The following FAF1 variants were observed in gnomAD, a reference collection of about 807,000 sequenced individuals.
FAF1 encodes FAS-associated factor 1.
FAF1 carries 25 observed loss-of-function variants against 92.5 expected under a neutral mutation model. The ratio of observed to expected loss-of-function variants is 0.27; its 90% CI spans 0.20 to 0.38. The LOEUF (loss-of-function observed/expected upper bound fraction) is 0.38. Among genes scored for constraint, FAF1 ranks in the 10% least tolerant of loss-of-function variants. FAF1 has a pLI of 1.00. For synonymous variants in FAF1, 234 were observed against 273.2 expected, an observed-to-expected ratio of 0.86 and a Z score of 1.42; for missense variants, 636 against 793.3, an observed-to-expected ratio of 0.80 and a Z score of 2.38.
intron 18 of FAF1, among the ~76,000 whole-genome samples, chr1:50,453,646 G>C (rs1646319646): frequency 6.6e-6 from 1 of 152,192 alleles, no homozygotes; most frequent in South Asian, 2.1e-4. Flanking sequence ...TTGAAGGCTG[G>C]TCCAGCAGCG....
intron 1 of FAF1, among the ~76,000 whole-genome samples, chr1:50,896,582 C>T (rs183715656): frequency 6.6e-6 from 1 of 152,234 alleles, no homozygotes; most frequent in Admixed American, 6.5e-5. Flanking sequence ...ATATGTGCAA[C>T]AGAATATCAC....
intron 4 of FAF1, among the ~76,000 whole-genome samples, chr1:50,782,864 T>C (rs554192332): frequency 6.6e-5 from 10 of 152,088 alleles, no homozygotes; most frequent in East Asian, 5.8e-4. Context: ...TGCTCACTCA[T>C]TGAGAGCAAC....
intron 6 of FAF1, among the ~76,000 whole-genome samples, chr1:50,712,353 C>A (rs1387837922): frequency 6.6e-6 from 1 of 152,040 alleles, no homozygotes; most frequent in Non-Finnish European, 1.5e-5. Context: ...GTGGGGAAGG[C>A]TGTAAGAAAT....
chr1:50,596,763 C>T (rs753168776), intron 8 of FAF1, among the ~76,000 whole-genome samples: 8 of 152,114 alleles, frequency 5.3e-5, no homozygotes, highest in East Asian at 1.9e-4. Context: ...TACACTGTTT[C>T]GACAGATTAG....
chr1:50,752,158 CG>C (rs1659895322), intron 4 of FAF1, among the ~76,000 whole-genome samples: 1 of 152,004 alleles, frequency 6.6e-6, no homozygotes, highest in African/African-American at 2.4e-5. Flanking sequence ...TTAGTAGAGA[CG>C]GGGGTCTCGT....
chr1:50,772,737 C>A (rs1660818662), intron 4 of FAF1, among the ~76,000 whole-genome samples: 2 of 152,106 alleles, frequency 1.3e-5, no homozygotes, highest in Admixed American at 1.3e-4. Context: ...ATCAAAAAAA[C>A]TACCTATCAG....
In FAF1 at chr1:50,440,387, C is replaced by T. The variant is rs1646155895; in HGVS notation, c.*1053G>A. 1 of 152,212 alleles carries T rather than the reference C, an allele frequency of 6.6e-6. No homozygotes were observed. The highest frequency in any genetic ancestry group is 6.5e-5 in the Admixed American group (1 of 15,282). 9.4% of individuals were successfully genotyped at this position (152,212 alleles called of 1,614,324 possible). On this transcript the variant is annotated 3_prime_UTR_variant, in exon 19 of 19. Transcript: ENST00000396153. Reference sequence around the variant, plus strand: ...GTTTGCTCTCTTCAACATATGAAGTCTGATTTTTCAGCCACAGAATGAGAT... The same window carrying T: ...GTTTGCTCTCTTCAACATATGAAGTTTGATTTTTCAGCCACAGAATGAGAT...
intron 17 of FAF1, among the ~76,000 whole-genome samples, chr1:50,478,395 T>C (rs1646663588): frequency 6.6e-6 from 1 of 152,166 alleles, no homozygotes; most frequent in Non-Finnish European, 1.5e-5. Flanking sequence ...ACTCCTGACC[T>C]CAAGTGATCC....
At chr1:50,565,706 G>A (rs539443990) in intron 13 of FAF1, among the ~76,000 whole-genome samples, 2 of 152,100 alleles carry the variant, frequency 1.3e-5, no homozygotes, top group Admixed American at 1.3e-4. Context: ...GCAATTTTTT[G>A]TCATTGTAAA....
At chr1:50,724,302 C>CACACAT (rs1553132413) in intron 6 of FAF1, among the ~76,000 whole-genome samples, 13 of 130,228 alleles carry the variant, frequency 1.0e-4, no homozygotes, top group Admixed American at 2.4e-4. Context: ...CACATACACA[C>CACACAT]ACACACACAC....
At chr1:50,913,323 T>G (rs1644899105) in intron 1 of FAF1, among the ~76,000 whole-genome samples, 1 of 152,188 alleles carries the variant, frequency 6.6e-6, no homozygotes, top group Non-Finnish European at 1.5e-5. Flanking sequence ...TTAAACACAT[T>G]AATTCATAAT....
intron 2 of FAF1, among the ~76,000 whole-genome samples, chr1:50,831,416 G>A (rs1557549168): frequency 1.3e-5 from 2 of 152,080 alleles, no homozygotes; most frequent in African/African-American, 2.4e-5. Context: ...ACAGCACCAT[G>A]CCCAGCCTGT....
At chr1:50,601,510 C>T (rs895376994) in intron 8 of FAF1, among the ~76,000 whole-genome samples, 9 of 152,018 alleles carry the variant, frequency 5.9e-5, no homozygotes, top group Non-Finnish European at 1.3e-4. Flanking sequence ...GGTGAAACCC[C>T]GTCTCTACTA....
chr1:50,829,926 T>A (rs1165199648), intron 2 of FAF1, among the ~76,000 whole-genome samples: 1 of 152,112 alleles, frequency 6.6e-6, no homozygotes, highest in Non-Finnish European at 1.5e-5. Flanking sequence ...GAAATAATGG[T>A]TTGGTAATTA....
chr1:50,550,767 T>C (rs1218149970), intron 13 of FAF1, among the ~76,000 whole-genome samples: 1 of 152,222 alleles, frequency 6.6e-6, no homozygotes, highest in East Asian at 1.9e-4. Flanking sequence ...AAAACAACAG[T>C]AGAAGTTTAT....
At chr1:50,589,580 C>T (rs1226393078) in intron 9 of FAF1, among the ~76,000 whole-genome samples, 3 of 152,160 alleles carry the variant, frequency 2.0e-5, no homozygotes, top group Admixed American at 6.5e-5. Context: ...GACATTGATC[C>T]CATATCAGAT....
intron 7 of FAF1, among the ~76,000 whole-genome samples, chr1:50,690,252 C>T (rs1411274476): frequency 6.6e-6 from 1 of 151,980 alleles, no homozygotes. Flanking sequence ...TCCCAAAGTG[C>T]TGGGATTACA....
At chr1:50,876,435 C>G (rs187761943) in intron 1 of FAF1, among the ~76,000 whole-genome samples, 1 of 152,254 alleles carries the variant, frequency 6.6e-6, no homozygotes, top group East Asian at 1.9e-4. Flanking sequence ...CCTGGAACAC[C>G]TTGTAGTGCC....
At chr1:50,659,671 T>A (rs1235798047) in intron 7 of FAF1, among the ~76,000 whole-genome samples, 2 of 152,212 alleles carry the variant, frequency 1.3e-5, no homozygotes, top group Non-Finnish European at 2.9e-5. Flanking sequence ...TGCAAATGTT[T>A]CAATTAGTTC....
Sources: allele counts gnomAD v4.1 joint callset (sites outside exome capture counted in the v4.1 genomes callset), GRCh38; gene constraint gnomAD v4.1.1; transcripts MANE v1.5; gene names NCBI Gene and HGNC (gene_info 2026-07-23, HGNC 2026-07-21).